ATP11A: variants seen among roughly 807,000 people sequenced by gnomAD.
ATP11A encodes ATPase phospholipid transporting 11A.
A neutral mutation model predicts 154.4 loss-of-function variants in ATP11A; 81 were observed. The observed-to-expected ratio is 0.52, with a 90% CI of 0.44 to 0.63. ATP11A has a LOEUF of 0.63. Ranked by LOEUF, ATP11A falls within the 30% of genes least tolerant of loss-of-function variation. ATP11A has a pLI of 0.00. For missense variants in ATP11A, 1,316 were observed against 1,474.3 expected (o/e 0.89, Z 1.76); for synonymous variants, 623 against 585.9 (o/e 1.06, Z -0.91).
intron 4 of ATP11A, among the ~76,000 whole-genome samples, chr13:112,808,057 G>A (rs550819642): frequency 4.3e-4 from 66 of 152,238 alleles, no homozygotes; most frequent in African/African-American, 7.0e-4. Context: ...TAGGGAGGGC[G>A]GCTCTGAAGA....
Position 112,851,247 on chromosome 13 carries a change from A to C in ATP11A, c.1991+29A>C, listed in dbSNP as rs779756207. 9.4e-6 allele frequency: 15 copies of C among 1,595,744 alleles called. No homozygotes were observed. The African/African-American group carries it at 2.0e-4, about 21-fold the overall frequency. On this transcript the variant is annotated intron_variant, in intron 18 of 29. Coordinates refer to ENST00000375645, the MANE Select transcript of ATP11A (RefSeq NM_015205.3). ...AAGTAAACGCATGCATCCCGTCCTG[A>C]GAGACAAACTGGGATGCAGGCCGAC... is the stretch of plus-strand genomic sequence containing the variant.
At chr13:112,691,046 C>T (rs535969899) in intron 1 of ATP11A, among the ~76,000 whole-genome samples, 38 of 152,128 alleles carry the variant, frequency 2.5e-4, no homozygotes, top group Non-Finnish European at 4.3e-4. Context: ...TCTTGGGTTC[C>T]TCTGGAATTT....
chr13:112,769,962 A>G (rs1014913467), intron 1 of ATP11A, among the ~76,000 whole-genome samples: 11 of 152,124 alleles, frequency 7.2e-5, no homozygotes, highest in Non-Finnish European at 1.5e-4. Context: ...TGGAGGGTGA[A>G]TCGCATGAAA....
At chr13:112,861,922 A>G (rs934168922) in intron 24 of ATP11A, among the ~76,000 whole-genome samples, 53 of 152,198 alleles carry the variant, frequency 3.5e-4, no homozygotes, top group African/African-American at 1.2e-3. Context: ...GAGAAGATAT[A>G]CTGTTCTAGA....
At chr13:112,722,101 A>G (rs1410911631) in intron 1 of ATP11A, among the ~76,000 whole-genome samples, 1 of 152,166 alleles carries the variant, frequency 6.6e-6, no homozygotes, top group East Asian at 1.9e-4. Flanking sequence ...ATTTATTCTG[A>G]GCCAAATATG....
At chr13:112,811,050 C>A (rs1403685733) in intron 5 of ATP11A, among the ~76,000 whole-genome samples, 3 of 149,768 alleles carry the variant, frequency 2.0e-5, no homozygotes, top group Non-Finnish European at 3.0e-5. Context: ...AAGCTCCCTA[C>A]TTCTTTTTTT....
chr13:112,842,429 C>G, intron 17 of ATP11A, 50 bp downstream of exon 17: 2 of 1,322,080 alleles, frequency 1.5e-6, no homozygotes, highest in Non-Finnish European at 2.1e-6. Flanking sequence ...CCCCTGCTGT[C>G]AGGAAGGAAT....
At chr13:112,777,529 A>C (rs1795139440) in intron 1 of ATP11A, among the ~76,000 whole-genome samples, 1 of 152,194 alleles carries the variant, frequency 6.6e-6, no homozygotes, top group Non-Finnish European at 1.5e-5. Context: ...ACGCCATTGC[A>C]CTCCAGCCTG....
At chr13:112,722,420 G>C (rs1275921949) in intron 1 of ATP11A, among the ~76,000 whole-genome samples, 1 of 152,182 alleles carries the variant, frequency 6.6e-6, no homozygotes, top group East Asian at 1.9e-4. Flanking sequence ...CTGGGTTGGG[G>C]TAAAGAGGTT....
chr13:112,824,824 A>C (rs2078891180), intron 10 of ATP11A, among the ~76,000 whole-genome samples: 1 of 152,254 alleles, frequency 6.6e-6, no homozygotes, highest in Non-Finnish European at 1.5e-5. Flanking sequence ...CAGAGAGAAC[A>C]GAATCATCTT....
At chr13:112,751,513 A>G (rs1443795085) in intron 1 of ATP11A, among the ~76,000 whole-genome samples, 1 of 152,058 alleles carries the variant, frequency 6.6e-6, no homozygotes, top group Admixed American at 6.6e-5. Context: ...TACAAAAATT[A>G]GCCGGATGTG....
Position 112,859,312 on chromosome 13 carries a change from T to A in ATP11A, c.2668-81T>A, listed in dbSNP as rs986323535. 1 of 1,122,560 alleles carries A rather than the reference T, an allele frequency of 8.9e-7. No homozygotes were observed. Among genetic ancestry groups the A allele is most frequent in the Non-Finnish European group, 1.4e-6 (1 of 732,536 alleles). The allele number at this position is 1,122,560 out of a possible 1,614,324, so 69.5% of individuals were successfully genotyped here. A position where few individuals can be genotyped will look rare whatever the true frequency, so the allele number is the denominator to read the frequency against. ...GGGTGCACGTGGATCCCTCCTCCCATGTGGGGTGGGCCACGTCGGTAGGTG... is the reference window on the plus strand; with the variant it reads ...GGGTGCACGTGGATCCCTCCTCCCAAGTGGGGTGGGCCACGTCGGTAGGTG... On this transcript the variant is annotated intron_variant, in intron 22 of 29. Coordinates refer to ENST00000375645, the MANE Select transcript of ATP11A (RefSeq NM_015205.3). This position sits in a 1 kb window ranked among gnomAD's most constrained non-coding sequence, Gnocchi z 4.3.
chr13:112,723,296 C>CCCCCCCCCCCCCACCTCCCCCA (rs1268815950), intron 1 of ATP11A, among the ~76,000 whole-genome samples: 1 of 25,660 alleles, frequency 3.9e-5, no homozygotes, highest in Admixed American at 3.2e-4. Context: ...CCCCACCTCC[C>CCCCCCCCCCCCCACCTCCCCCA]CCCGCCCTCT....
At chr13:112,806,411 C>G (rs2140142878) in intron 4 of ATP11A, 118 bp downstream of exon 4, 2 of 745,394 alleles carry the variant, frequency 2.7e-6, no homozygotes, top group East Asian at 2.5e-5. Context: ...CAACCAAGTT[C>G]TAGAAATTCA....
intron 1 of ATP11A, among the ~76,000 whole-genome samples, chr13:112,764,212 T>A (rs2077024097): frequency 6.6e-6 from 1 of 152,118 alleles, no homozygotes; most frequent in South Asian, 2.1e-4. Flanking sequence ...CGGTGGTGCC[T>A]CTGCATTCAC....
At chr13:112,837,960 G>A (rs2079285989) in intron 16 of ATP11A, among the ~76,000 whole-genome samples, 2 of 152,066 alleles carry the variant, frequency 1.3e-5, no homozygotes. Context: ...GCCTTCGCTG[G>A]TTCCTTAGAC....
intron 16 of ATP11A, among the ~76,000 whole-genome samples, chr13:112,837,030 G>A (rs1434638776): frequency 5.3e-5 from 8 of 152,214 alleles, no homozygotes; most frequent in Non-Finnish European, 1.2e-4. Context: ...ACATGCCACA[G>A]GTCACTCAAC....
chr13:112,766,891 T>C lies in ATP11A; in HGVS notation c.40-18244T>C, dbSNP rs186674996. 1.6e-3 allele frequency among the ~76,000 whole-genome samples: 8 copies of C among 4,902 alleles called. 1 individual carries two copies. Among genetic ancestry groups the C allele is most frequent in the Non-Finnish European group, 2.1e-3 (8 of 3,782 alleles). The allele number at this position is 4,902 out of a possible 152,430, so 3.2% of individuals were successfully genotyped here. A position where few individuals can be genotyped will look rare whatever the true frequency, so the allele number is the denominator to read the frequency against. ...AGGGTGTGGGAGTGCTGGGAGCCCCTGTGGAAAGGTGGGGAGATGTGGGGG... is the reference window on the plus strand; with the variant it reads ...AGGGTGTGGGAGTGCTGGGAGCCCCCGTGGAAAGGTGGGGAGATGTGGGGG... On this transcript the variant is annotated intron_variant, in intron 1 of 29. Coordinates refer to ENST00000375645, the MANE Select transcript of ATP11A (RefSeq NM_015205.3).
At chr13:112,775,831 G>A (rs1331526828) in intron 1 of ATP11A, among the ~76,000 whole-genome samples, 1 of 152,202 alleles carries the variant, frequency 6.6e-6, no homozygotes, top group African/African-American at 2.4e-5. Context: ...CCTGGCGCAG[G>A]GCGGGCGCGA....
Sources: allele counts gnomAD v4.1 joint callset (sites outside exome capture counted in the v4.1 genomes callset), GRCh38; gene constraint gnomAD v4.1.1; non-coding constraint Gnocchi (gnomAD v3.1); transcripts MANE v1.5; gene names NCBI Gene and HGNC (gene_info 2026-07-23, HGNC 2026-07-21).